The following SLC26A6 variants were observed in gnomAD, a reference collection of about 807,000 sequenced individuals.
SLC26A6 encodes the protein anion exchange transporter.
SLC26A6 carries 67 observed loss-of-function variants against 87.1 expected under a neutral mutation model. The observed-to-expected ratio is 0.77, with a 90% confidence interval of 0.63 to 0.94. The LOEUF (loss-of-function observed/expected upper bound fraction) is 0.94. Ranked by LOEUF, SLC26A6 falls within the 40% of genes least tolerant of loss-of-function variation. The pLI is 0.00. For synonymous variants in SLC26A6, 414 were observed against 405.9 expected (o/e 1.02, Z -0.24); for missense variants, 902 against 973.0 (o/e 0.93, Z 0.97).
Position 48,631,736 on chromosome 3 carries a change from C to A in SLC26A6, c.816G>T (p.Val272=). 6.2e-7 allele frequency: 1 copy of A among 1,613,598 alleles called. No homozygotes were observed. The highest frequency in any genetic ancestry group is 8.5e-7 in the Non-Finnish European group (1 of 1,180,018). ...TCACCACCACGAGCACCACCCCAGC[C>A]ACAGCTGCAGTGACCACGGTGCCAA... ...SKVGTVVTAA[V]AGVVLVVVKL... Residue 272 remains valine (V), a synonymous_variant, in exon 7 of 21, where the codon GTG becomes GTT. Coordinates refer to ENST00000395550, the MANE Select transcript of SLC26A6 (RefSeq NM_022911.3).
rs1383270973 is a variant in SLC26A6 at position 48,627,382 on chromosome 3, C to T, written c.1894-327G>A. On this transcript the variant is annotated intron_variant, in intron 17 of 20. Transcript: ENST00000395550. ...GCCCAGGAGCAGGCCAGAATAGACACGGGCATCCACATGAAACGCATGCAG... is the reference window on the plus strand; with the variant it reads ...GCCCAGGAGCAGGCCAGAATAGACATGGGCATCCACATGAAACGCATGCAG... 4 of 314,456 alleles carry T rather than the reference C, an allele frequency of 1.3e-5. No individual in the cohort carries two copies. The South Asian group carries it at 1.8e-4, about 14-fold the overall frequency. The allele number at this position is 314,456 out of a possible 1,614,324, so 19.5% of individuals were successfully genotyped here. A position where few individuals can be genotyped will look rare whatever the true frequency, so the allele number is the denominator to read the frequency against.
In SLC26A6 at chr3:48,633,508, G is replaced by C; in HGVS notation, c.151C>G (p.Pro51Ala). 1 of 1,613,242 alleles carries C rather than the reference G, an allele frequency of 6.2e-7. No homozygotes were observed. The highest frequency in any genetic ancestry group is 1.7e-5 in the Admixed American group (1 of 60,018). The change falls in exon 2 of 21, where the codon CCT (proline) becomes GCT (alanine). Residue 51 changes from proline to alanine, a missense_variant. By Grantham distance (27) the Pro-to-Ala change is conservative. This residue lies in a region of SLC26A6 where 800 missense variants were observed against 856.8 expected (regional missense o/e 0.93). Coordinates refer to ENST00000395550, the MANE Select transcript of SLC26A6 (RefSeq NM_022911.3). The part of the protein sequence containing the change: ...LEELGRWGSA[P>A]RTHQWRTWLQ... The stretch of plus-strand genomic sequence containing the variant: ...CAGGTCCGCCACTGGTGGGTCCTAG[G>C]TGCTGAGCCCCAGCGCCCCAGCTCC...
At chr3:48,626,438 ATCACCCCTGACCTCC>A in intron 19 of SLC26A6, 84 bp from the exon 20 acceptor site, 1 of 1,591,838 alleles carries the variant, frequency 6.3e-7, no homozygotes, top group Non-Finnish European at 8.6e-7. Context: ...CCCTGACCTC[ATCACCCCTGACCTCC>A]ACCCCTGAGG....
At chr3:48,632,940 A>T (rs1187913362) in intron 4 of SLC26A6, 34 bp downstream of exon 4, 1 of 1,583,792 alleles carries the variant, frequency 6.3e-7, no homozygotes, top group Admixed American at 1.7e-5. Flanking sequence ...GGATGTGGGC[A>T]TCCTCCTGGA....
rs1390397647 is a variant in SLC26A6, at chr3:48,629,899, A to C, written c.1502T>G (p.Leu501Arg). 6.2e-7 allele frequency: 1 copy of C among 1,614,152 alleles called. No individual in the cohort carries two copies. The highest frequency in any genetic ancestry group is 2.2e-5 in the East Asian group (1 of 44,884). ...CTGTGTCCGGACCACCACGAGCAGC[A>C]GGGAGAAGATGACCGCAACCACCAA... ...LGLVVAVIFSLLLVVVRTQMP... is the reference protein window; with the variant it reads ...LGLVVAVIFSRLLVVVRTQMP... The change falls in exon 13 of 21, where the codon CTG becomes CGG. Residue 501 changes from leucine to arginine, a missense_variant. By Grantham distance (102) the Leu-to-Arg change is moderately radical (BLOSUM62 -2). Coordinates refer to ENST00000395550, the MANE Select transcript of SLC26A6 (RefSeq NM_022911.3).
intron 14 of SLC26A6, among the ~76,000 whole-genome samples, chr3:48,629,188 G>A (rs866710811): frequency 1.3e-5 from 2 of 152,012 alleles, no homozygotes; most frequent in Admixed American, 6.5e-5. Flanking sequence ...TAATTGCACT[G>A]TGCCCATGTT....
At chr3:48,630,213 C>A (rs2046746272) in intron 11 of SLC26A6, 56 bp from the exon 12 acceptor site, 1 of 1,580,758 alleles carries the variant, frequency 6.3e-7, no homozygotes, top group Admixed American at 1.7e-5. Flanking sequence ...GCTGACAACC[C>A]TCCTCACCGA....
In SLC26A6 at chr3:48,635,363, G is replaced by C; in HGVS notation, c.23+8C>G. ...CGCGGGGCCACCGGGAATGTGCGCTGAACTCACCCCGACGCATCCGCCAGC... is the reference window on the plus strand; with the variant it reads ...CGCGGGGCCACCGGGAATGTGCGCTCAACTCACCCCGACGCATCCGCCAGC... On this transcript the variant is annotated splice_region_variant and intron_variant, in intron 1 of 20. Transcript: ENST00000395550. The C allele has an allele frequency of 6.3e-7, 1 of 1,589,376 alleles. No individual in the cohort carries two copies. Among genetic ancestry groups the C allele is most frequent in the Non-Finnish European group, 8.6e-7 (1 of 1,169,240 alleles).
In SLC26A6 at chr3:48,633,559, G is replaced by T. The variant is rs1448828589; in HGVS notation, c.100C>A (p.Pro34Thr). ...TCCAAATGCTCCTGGTTCAGCAGCG[G>T]CCGTTCCATGTGGTAGTCTCGCCTC... Reference protein sequence around the residue: ...LRRRDYHMERPLLNQEHLEEL... With the variant: ...LRRRDYHMERTLLNQEHLEEL... Residue 34 changes from proline (P) to threonine (T), a missense_variant, in exon 2 of 21, where the codon CCG becomes ACG. This residue lies in a region of SLC26A6 where 800 missense variants were observed against 856.8 expected (regional missense o/e 0.93). Transcript: ENST00000395550. 2.5e-6 allele frequency: 4 copies of T among 1,613,424 alleles called. No homozygotes were observed. Among genetic ancestry groups the T allele is most frequent in the Non-Finnish European group, 3.4e-6 (4 of 1,180,014 alleles).
In SLC26A6 at chr3:48,628,313, A is replaced by G. The variant is rs1294515750; in HGVS notation, c.1800+121T>C. ...GGAGTGAAGCAGGGTCCCTGGGAGC[A>G]TGAGGGAGAAAGGGGAAGGGATGAG... On this transcript the variant is annotated intron_variant, in intron 16 of 20. Transcript: ENST00000395550. The surrounding 1 kb of genome is among the most constrained non-coding windows in gnomAD (Gnocchi z 4.4). 8 of 1,337,522 alleles carry G rather than the reference A, an allele frequency of 6.0e-6. No homozygotes were observed. The highest frequency in any genetic ancestry group is 3.1e-6 in the Non-Finnish European group (3 of 963,930). 82.9% of individuals were successfully genotyped at this position (1,337,522 alleles called of 1,614,324 possible). A position where few individuals can be genotyped will look rare whatever the true frequency, so the allele number is the denominator to read the frequency against.
chr3:48,627,557 C>T (rs2046660167), intron 17 of SLC26A6: 1 of 190,704 alleles, frequency 5.2e-6, no homozygotes, highest in Non-Finnish European at 1.1e-5. Context: ...GCACTGCAGC[C>T]CCGAGCTCCT....
At position 48,632,991 on chromosome 3, in the gene SLC26A6, G is replaced by A. The variant is rs1028701810; in HGVS notation, c.416C>T (p.Ser139Phe). The change falls in exon 4 of 21, where the codon TCC (serine) becomes TTC (phenylalanine). Residue 139 changes from serine to phenylalanine, a missense_variant. Physicochemically the swap from Ser to Phe is radical, Grantham distance 155. Coordinates refer to ENST00000395550, the MANE Select transcript of SLC26A6 (RefSeq NM_022911.3). ...CCACTTACCCACGGAGATGTGCCGG[G>A]AAGTGCCAAACAGGAAGTAGATGAA... ...PVFIYFLFGT[S>F]RHISVGTFAV... 3 of 1,613,342 alleles carry A rather than the reference G, an allele frequency of 1.9e-6. No individual in the cohort carries two copies. Among genetic ancestry groups the A allele is most frequent in the Admixed American group, 3.3e-5 (2 of 59,964 alleles).
At chr3:48,626,060 G>A (rs138335253) in intron 20 of SLC26A6, 60 bp from the exon 21 acceptor site, 11 of 1,612,836 alleles carry the variant, frequency 6.8e-6, no homozygotes, top group East Asian at 4.5e-5. Context: ...ACCAACCCCC[G>A]CCCCTAGAAC....
Position 48,628,362 on chromosome 3 carries a change from G to T in SLC26A6, c.1800+72C>A. On this transcript the variant is annotated intron_variant, in intron 16 of 20. Transcript: ENST00000395550. The surrounding 1 kb of genome is among the most constrained non-coding windows in gnomAD (Gnocchi z 4.4). ...AGGAGTGAGGACGAGGGAGGAGTCGGGGGCCAGGAGAAAGGCTGGGGCAGG... is the reference window on the plus strand; with the variant it reads ...AGGAGTGAGGACGAGGGAGGAGTCGTGGGCCAGGAGAAAGGCTGGGGCAGG... 1 of 1,591,122 alleles carries T rather than the reference G, an allele frequency of 6.3e-7. No individual in the cohort carries two copies.
chr3:48,627,066 A>C lies in SLC26A6; in HGVS notation c.1894-11T>G. 2 of 1,609,846 alleles carry C rather than the reference A, an allele frequency of 1.2e-6. No homozygotes were observed. The highest frequency in any genetic ancestry group is 1.7e-6 in the Non-Finnish European group (2 of 1,177,966). On this transcript the variant is annotated splice_polypyrimidine_tract_variant and intron_variant, in intron 17 of 20. Coordinates refer to ENST00000395550, the MANE Select transcript of SLC26A6 (RefSeq NM_022911.3). ...TCCTGAGCTCACCTGCTGGGGAGCC[A>C]GACATGCTGCCAGGGCCACCCATGA...
chr3:48,632,684 G>A (rs977719714), intron 4 of SLC26A6: 34 of 687,754 alleles, frequency 4.9e-5, no homozygotes, highest in Admixed American at 1.4e-4. Flanking sequence ...GAGTAGGGAA[G>A]GGGTCAGGGC....
rs140366260 is a variant in SLC26A6 at position 48,628,117 on chromosome 3, C to A, written c.1801-79G>T. 7.2e-4 allele frequency: 981 copies of A among 1,355,858 alleles called. 18 individuals are homozygous for A. In the East Asian group the frequency reaches 0.023, roughly 32 times the overall value. The allele number at this position is 1,355,858 out of a possible 1,614,324, so 84.0% of individuals were successfully genotyped here. ...CCATGTCACATAGGCCTGGTGATGC[C>A]CCCTGGTGCTGGGCAGGTGGGTGGG... On this transcript the variant is annotated intron_variant, in intron 16 of 20. Transcript: ENST00000395550. This position sits in a 1 kb window ranked among gnomAD's most constrained non-coding sequence, Gnocchi z 4.4.
intron 4 of SLC26A6, 133 bp downstream of exon 4, chr3:48,632,840 TG>T: frequency 1.1e-6 from 1 of 891,542 alleles, no homozygotes; most frequent in Non-Finnish European, 1.8e-6. Context: ...GGATGACTCG[TG>T]GGCTAGCCCA....
intron 10 of SLC26A6, 24 bp from the exon 11 acceptor site, chr3:48,630,539 G>A (rs749432352): frequency 9.6e-6 from 15 of 1,558,572 alleles, no homozygotes; most frequent in Non-Finnish European, 8.7e-7. Context: ...GAGTGAGCAG[G>A]GGAGAGACCT....
Sources: gnomAD v4.1 joint callset for allele counts (sites outside exome capture counted in the v4.1 genomes callset) on GRCh38, gnomAD v4.1.1 for gene constraint, gnomAD v4.1.1 regional missense constraint, Gnocchi (gnomAD v3.1) non-coding constraint, MANE v1.5 for transcripts, NCBI Gene and HGNC (gene_info 2026-07-23, HGNC 2026-07-21) for gene names.